Variants in MMP16 observed in about 807,000 individuals in gnomAD.
The protein encoded by MMP16 is matrix metalloproteinase-16.
In MMP16, 12 loss-of-function variants were observed where a neutral mutation model predicts 67.8. The ratio of observed to expected loss-of-function variants is 0.18; its 90% CI spans 0.11 to 0.29. MMP16 has a LOEUF of 0.29. MMP16 is among the 10% of genes least tolerant of loss of function. MMP16 has a pLI of 1.00. For missense variants in MMP16, 475 were observed against 765.7 expected, an observed-to-expected ratio of 0.62 and a Z score of 4.48; for synonymous variants, 249 against 255.9, an observed-to-expected ratio of 0.97 and a Z score of 0.26.
intron 4 of MMP16, among the ~76,000 whole-genome samples, chr8:88,119,381 T>A (rs1180919400): frequency 6.6e-6 from 1 of 152,070 alleles, no homozygotes; most frequent in Non-Finnish European, 1.5e-5. Context: ...ACTAAAGCTT[T>A]ATTTTTTTGC....
intron 4 of MMP16, among the ~76,000 whole-genome samples, chr8:88,166,584 G>T (rs1244949231): frequency 6.7e-6 from 1 of 148,826 alleles, no homozygotes; most frequent in African/African-American, 2.5e-5. Context: ...AATGATCTTT[G>T]GTAAAAATTA....
intron 4 of MMP16, among the ~76,000 whole-genome samples, chr8:88,126,081 C>G (rs1807925974): frequency 6.6e-6 from 1 of 151,706 alleles, no homozygotes; most frequent in Admixed American, 6.6e-5. Flanking sequence ...TACTTCCAGA[C>G]CAGCAACAAA....
chr8:88,291,230 A>G (rs2130018647), intron 1 of MMP16, among the ~76,000 whole-genome samples: 1 of 152,252 alleles, frequency 6.6e-6, no homozygotes, highest in South Asian at 2.1e-4. Flanking sequence ...GCAGTGAGCC[A>G]TGATTGCATC....
chr8:88,162,006 T>C lies in MMP16; in HGVS notation c.709+5663A>G, dbSNP rs548388171. ...AGTCAATTTTGGAATAAGTGTGATG[T>C]GGTGCTGAGAAGAATGAATATACAT... On this transcript the variant is annotated intron_variant, in intron 4 of 9. Transcript: ENST00000286614. Among the ~76,000 whole-genome samples the C allele has an allele frequency of 9.2e-5, 14 of 152,224 alleles. No homozygotes were observed. In the South Asian group the frequency reaches 2.9e-3, roughly 32 times the overall value.
In MMP16 at chr8:88,160,121, T is replaced by G. The variant is rs561357389; in HGVS notation, c.709+7548A>C. On this transcript the variant is annotated intron_variant, in intron 4 of 9. Transcript: ENST00000286614. ...TATCTCCTAATGCTATCCCTCCCCCTTCCCCCAATCCCACAACAGTTCCCA... is the reference window on the plus strand; with the variant it reads ...TATCTCCTAATGCTATCCCTCCCCCGTCCCCCAATCCCACAACAGTTCCCA... 8.6e-5 allele frequency among the ~76,000 whole-genome samples: 13 copies of G among 151,984 alleles called. No individual in the cohort carries two copies. In the South Asian group the frequency reaches 2.5e-3, roughly 29 times the overall value.
intron 1 of MMP16, among the ~76,000 whole-genome samples, chr8:88,200,778 C>T (rs1050338948): frequency 5.3e-5 from 8 of 151,632 alleles, no homozygotes; most frequent in Admixed American, 4.6e-4. Context: ...ACTGTGAAAA[C>T]CTATGTTAAT....
intron 1 of MMP16, among the ~76,000 whole-genome samples, chr8:88,250,342 G>A (rs916424282): frequency 2.0e-5 from 3 of 151,936 alleles, no homozygotes; most frequent in African/African-American, 2.4e-5. Context: ...TCAAGTCTAC[G>A]TACTTGACAC....
chr8:88,056,917 AAAAAGCAGAC>A (rs1331352330), intron 7 of MMP16, among the ~76,000 whole-genome samples: 1 of 152,150 alleles, frequency 6.6e-6, no homozygotes, highest in African/African-American at 2.4e-5. Context: ...TGATGATACT[AAAAAGCAGAC>A]AAAAGCAGAC....
At chr8:88,191,815 G>A (rs1443098438) in intron 2 of MMP16, among the ~76,000 whole-genome samples, 1 of 152,186 alleles carries the variant, frequency 6.6e-6, no homozygotes, top group Non-Finnish European at 1.5e-5. Flanking sequence ...TACAGTCCTG[G>A]TACTGGGTAT....
intron 9 of MMP16, 143 bp downstream of exon 9, chr8:88,046,526 A>G (rs556589869): frequency 2.5e-5 from 10 of 397,068 alleles, no homozygotes; most frequent in East Asian, 2.3e-4. Flanking sequence ...TAAATCTAGG[A>G]AAAAAAGTTC....
At chr8:88,218,965 C>A (rs889443078) in intron 1 of MMP16, among the ~76,000 whole-genome samples, 1 of 151,914 alleles carries the variant, frequency 6.6e-6, no homozygotes, top group Non-Finnish European at 1.5e-5. Context: ...ATTAATGGAG[C>A]GTCAACCATA....
intron 3 of MMP16, among the ~76,000 whole-genome samples, chr8:88,168,975 T>C (rs1288155230): frequency 6.6e-6 from 1 of 152,042 alleles, no homozygotes; most frequent in African/African-American, 2.4e-5. Context: ...TTCAAGGAGA[T>C]GGGATTTAGG....
At chr8:88,134,787 C>T (rs148960260) in intron 4 of MMP16, among the ~76,000 whole-genome samples, 18 of 151,468 alleles carry the variant, frequency 1.2e-4, no homozygotes, top group Non-Finnish European at 2.1e-4. Context: ...GTGTGATCCA[C>T]TAATCTTTAT....
chr8:88,129,399 G>A (rs1407001329), intron 4 of MMP16, among the ~76,000 whole-genome samples: 2 of 151,586 alleles, frequency 1.3e-5, no homozygotes, highest in African/African-American at 4.8e-5. Flanking sequence ...ATATTCAAGT[G>A]TTTGTACAGA....
At chr8:88,246,918 A>G (rs1259003048) in intron 1 of MMP16, among the ~76,000 whole-genome samples, 1 of 152,200 alleles carries the variant, frequency 6.6e-6, no homozygotes, top group Non-Finnish European at 1.5e-5. Context: ...AATTTCATTC[A>G]TCGAATTAAA....
At chr8:88,318,251 T>C (rs990449977) in intron 1 of MMP16, among the ~76,000 whole-genome samples, 1 of 152,164 alleles carries the variant, frequency 6.6e-6, no homozygotes, top group Non-Finnish European at 1.5e-5. Flanking sequence ...TAACAAATAA[T>C]TGACAAATAA....
At chr8:88,157,417 G>C (rs544963190) in intron 4 of MMP16, among the ~76,000 whole-genome samples, 1 of 151,820 alleles carries the variant, frequency 6.6e-6, no homozygotes, top group Non-Finnish European at 1.5e-5. Context: ...CTCGGTGTCT[G>C]CAGGGAGTCC....
At chr8:88,114,579 G>A (rs1265408308) in intron 6 of MMP16, among the ~76,000 whole-genome samples, 1 of 151,934 alleles carries the variant, frequency 6.6e-6, no homozygotes, top group Non-Finnish European at 1.5e-5. Context: ...TATCAAAGAT[G>A]AGATAAAAAC....
chr8:88,115,862 T>C (rs1809419376), intron 6 of MMP16, among the ~76,000 whole-genome samples: 1 of 152,096 alleles, frequency 6.6e-6, no homozygotes, highest in Non-Finnish European at 1.5e-5. Flanking sequence ...ATTAGTGTTA[T>C]TTTCTGAGAC....
Sources: allele counts gnomAD v4.1 joint callset (sites outside exome capture counted in the v4.1 genomes callset), GRCh38; gene constraint gnomAD v4.1.1; transcripts MANE v1.5; gene names NCBI Gene and HGNC (gene_info 2026-07-23, HGNC 2026-07-21).